Variants in TIMELESS observed in about 807,000 individuals in gnomAD.
TIMELESS encodes the protein timeless circadian regulator.
A neutral mutation model predicts 164.3 loss-of-function variants in TIMELESS; 124 were observed. The ratio of observed to expected loss-of-function variants is 0.75; its 90% CI spans 0.65 to 0.88. TIMELESS has a LOEUF of 0.88. Among genes scored for constraint, TIMELESS ranks in the 40% least tolerant of loss-of-function variants. The pLI, the probability that TIMELESS is intolerant of heterozygous loss-of-function variation, is 0.00. For synonymous variants in TIMELESS, 564 were observed against 563.4 expected (o/e 1.00, Z -0.02); for missense variants, 1,422 against 1,491.4 (o/e 0.95, Z 0.77).
intron 1 of TIMELESS, among the ~76,000 whole-genome samples, chr12:56,446,842 CT>C (rs1296276096): frequency 6.6e-6 from 1 of 150,884 alleles, no homozygotes; most frequent in Non-Finnish European, 1.5e-5. Context: ...CCAAAAGGGA[CT>C]TCCTCCTGAC....
chr12:56,426,124 C>A (rs1215350518), intron 13 of TIMELESS, among the ~76,000 whole-genome samples: 1 of 152,154 alleles, frequency 6.6e-6, no homozygotes, highest in East Asian at 1.9e-4. Flanking sequence ...GTATTACTAA[C>A]AAGACTTTGG....
At chr12:56,427,138 G>T (rs1162018792) in intron 13 of TIMELESS, among the ~76,000 whole-genome samples, 3 of 151,024 alleles carry the variant, frequency 2.0e-5, no homozygotes, top group African/African-American at 4.9e-5. Context: ...TTTGTTTTTT[G>T]TTGAGACAGA....
At chr12:56,441,689 A>G (rs1005876035) in intron 1 of TIMELESS, among the ~76,000 whole-genome samples, 1 of 141,514 alleles carries the variant, frequency 7.1e-6, no homozygotes, top group Non-Finnish European at 1.5e-5. Flanking sequence ...TTTCCTCTCC[A>G]TCTGTCAGAC....
chr12:56,418,064 C>T (rs1881327143), intron 27 of TIMELESS, 56 bp from the exon 28 acceptor site: 4 of 1,613,202 alleles, frequency 2.5e-6, no homozygotes, highest in Non-Finnish European at 3.4e-6. Flanking sequence ...ATTCTCAGAA[C>T]ACCTTTCCTG....
At chr12:56,420,100 T>C (rs950492866) in intron 26 of TIMELESS, among the ~76,000 whole-genome samples, 3 of 144,960 alleles carry the variant, frequency 2.1e-5, no homozygotes, top group African/African-American at 7.5e-5. Context: ...AAAATGTATA[T>C]ATATATATTT....
chr12:56,443,335 T>C (rs192688205), intron 1 of TIMELESS, among the ~76,000 whole-genome samples: 2 of 152,316 alleles, frequency 1.3e-5, no homozygotes, highest in African/African-American at 2.4e-5. Flanking sequence ...ATCTGTCTTA[T>C]GCGGTTGAGA....
intron 26 of TIMELESS, among the ~76,000 whole-genome samples, chr12:56,420,060 GTGTGTGTGTGTA>G (rs1301288106): frequency 1.1e-5 from 1 of 89,760 alleles, no homozygotes; most frequent in Non-Finnish European, 2.3e-5. Context: ...GTGTGTGTGT[GTGTGTGTGTGTA>G]TATATATATA....
chr12:56,419,459 AGTGTGT>A (rs10664617), intron 26 of TIMELESS, among the ~76,000 whole-genome samples: 62 of 148,042 alleles, frequency 4.2e-4, no homozygotes, highest in African/African-American at 1.3e-3. Context: ...AGACAGATGG[AGTGTGT>A]GTGTGTGTGT....
intron 11 of TIMELESS, 83 bp from the exon 12 acceptor site, chr12:56,428,735 A>G (rs1565683103): frequency 6.8e-7 from 1 of 1,478,334 alleles, no homozygotes; most frequent in South Asian, 1.2e-5. Flanking sequence ...CAGCGAAAAA[A>G]AAAAATGTGC....
chr12:56,433,462 G>C lies in TIMELESS; in HGVS notation c.367-19C>G. ...CAAAGGCCTGTGAAATAGGGAACCT[G>C]ATCTTAAGTAGCAGTCATCCACTTC... On this transcript the variant is annotated intron_variant, in intron 4 of 28. Coordinates refer to ENST00000553532, the MANE Select transcript of TIMELESS (RefSeq NM_003920.5). 6.2e-7 allele frequency: 1 copy of C among 1,614,140 alleles called. No individual in the cohort carries two copies. The highest frequency in any genetic ancestry group is 8.5e-7 in the Non-Finnish European group (1 of 1,179,990).
intron 11 of TIMELESS, 93 bp from the exon 12 acceptor site, chr12:56,428,745 C>G: frequency 1.4e-6 from 2 of 1,449,750 alleles, no homozygotes; most frequent in Non-Finnish European, 1.9e-6. Flanking sequence ...AAAAAATGTG[C>G]CACCCAAACT....
intron 1 of TIMELESS, among the ~76,000 whole-genome samples, chr12:56,449,039 C>G (rs1034086247): frequency 6.6e-6 from 1 of 152,244 alleles, no homozygotes; most frequent in Non-Finnish European, 1.5e-5. Context: ...GAATTCCAAG[C>G]CCCTTTCCAT....
intron 6 of TIMELESS, 52 bp downstream of exon 6, chr12:56,432,974 A>AAAAAAG (rs142212258): frequency 5.1e-5 from 48 of 946,666 alleles, no homozygotes; most frequent in South Asian, 6.2e-5. Flanking sequence ...AAAAAAAAAA[A>AAAAAAG]GGCAGCTCAA....
At position 56,433,453 on chromosome 12, in the gene TIMELESS, A is replaced by G. The variant is rs752894128; in HGVS notation, c.367-10T>C. Reference sequence around the variant, plus strand: ...TCTCACTGGCAAAGGCCTGTGAAATAGGGAACCTGATCTTAAGTAGCAGTC... The same window carrying G: ...TCTCACTGGCAAAGGCCTGTGAAATGGGGAACCTGATCTTAAGTAGCAGTC... On this transcript the variant is annotated splice_polypyrimidine_tract_variant and intron_variant, in intron 4 of 28. Transcript: ENST00000553532. 14 of 1,614,098 alleles carry G rather than the reference A, an allele frequency of 8.7e-6. No individual in the cohort carries two copies. The highest frequency in any genetic ancestry group is 3.4e-6 in the Non-Finnish European group (4 of 1,180,024).
chr12:56,441,771 G>A (rs911229665), intron 1 of TIMELESS, among the ~76,000 whole-genome samples: 65 of 151,632 alleles, frequency 4.3e-4, no homozygotes, highest in Admixed American at 3.3e-3. Flanking sequence ...CAATGGTAGC[G>A]CTAAAGAAAT....
In TIMELESS at chr12:56,421,375, C is replaced by T. The variant is rs1028865113; in HGVS notation, c.2844G>A (p.Gln948=). Reference sequence around the variant, plus strand: ...CCAAGATGGAGGATGCCAACTTTTTCTGCCGTTTCTTGTACAGCTCCCGCC... The same window carrying T: ...CCAAGATGGAGGATGCCAACTTTTTTTGCCGTTTCTTGTACAGCTCCCGCC... ...AERRELYKKR[Q]KKLASSILPN... The change falls in exon 23 of 29, where the codon CAG becomes CAA. Residue 948 remains glutamine (Q), a synonymous_variant. Coordinates refer to ENST00000553532, the MANE Select transcript of TIMELESS (RefSeq NM_003920.5). The T allele has an allele frequency of 1.9e-6, 3 of 1,613,784 alleles. No homozygotes were observed. The highest frequency in any genetic ancestry group is 2.5e-6 in the Non-Finnish European group (3 of 1,179,884).
At chr12:56,419,717 C>G (rs1881391188) in intron 26 of TIMELESS, among the ~76,000 whole-genome samples, 2 of 151,708 alleles carry the variant, frequency 1.3e-5, no homozygotes, top group Admixed American at 1.3e-4. Context: ...ACTTGACCCT[C>G]CATATCCACA....
chr12:56,447,383 C>T (rs17118655), intron 1 of TIMELESS, among the ~76,000 whole-genome samples: 5,015 of 152,028 alleles, frequency 0.033, 275 homozygotes, highest in African/African-American at 0.11. Flanking sequence ...ATCATCATTA[C>T]GCAGCACAAT....
rs1457066741 is a variant in TIMELESS, at chr12:56,432,384, A to G, written c.672T>C (p.Leu224=). 5.0e-6 allele frequency: 8 copies of G among 1,613,810 alleles called. No individual in the cohort carries two copies. Among genetic ancestry groups the G allele is most frequent in the Non-Finnish European group, 5.9e-6 (7 of 1,179,832 alleles). Residue 224 remains leucine (L), a synonymous_variant, in exon 7 of 29, where the codon CTT becomes CTC. Coordinates refer to ENST00000553532, the MANE Select transcript of TIMELESS (RefSeq NM_003920.5). ...WSLHVLEIVS[L]MFRDQNPEQL... The stretch of plus-strand genomic sequence containing the variant: ...AGGGTCTCACCTGGTCACGAAACAT[A>G]AGGGAGACAATCTCTAGCACATGTA...
Sources: allele counts gnomAD v4.1 joint callset (sites outside exome capture counted in the v4.1 genomes callset), GRCh38; gene constraint gnomAD v4.1.1; transcripts MANE v1.5; gene names NCBI Gene and HGNC (gene_info 2026-07-23, HGNC 2026-07-21).